VTI1A: variants seen among roughly 807,000 people sequenced by gnomAD.
VTI1A encodes the protein vesicle transport through interaction with t-SNAREs homolog 1A.
In VTI1A, 22 loss-of-function variants were observed where a neutral mutation model predicts 34.9. The observed-to-expected ratio is 0.63, with a 90% CI of 0.45 to 0.90. The LOEUF is 0.90. VTI1A is among the 40% of genes least tolerant of loss of function. The probability of loss-of-function intolerance (pLI) is 0.00; values close to 1 mark genes in which losing one functional copy is unlikely to be tolerated. For synonymous variants in VTI1A, 87 were observed against 97.3 expected (o/e 0.89, Z 0.62); for missense variants, 268 against 275.6 (o/e 0.97, Z 0.20).
At chr10:112,635,072 C>T (rs1328078570) in intron 5 of VTI1A, among the ~76,000 whole-genome samples, 2 of 152,176 alleles carry the variant, frequency 1.3e-5, no homozygotes, top group Non-Finnish European at 1.5e-5. Context: ...TTGTTGTTGC[C>T]TGTAACTGCA....
intron 5 of VTI1A, among the ~76,000 whole-genome samples, chr10:112,592,957 G>T (rs1844450863): frequency 6.6e-6 from 1 of 152,190 alleles, no homozygotes; most frequent in Non-Finnish European, 1.5e-5. Context: ...GCAGGACTGT[G>T]TGGTGTCTGA....
intron 5 of VTI1A, among the ~76,000 whole-genome samples, chr10:112,652,042 A>G (rs1847044851): frequency 6.6e-6 from 1 of 152,170 alleles, no homozygotes; most frequent in Non-Finnish European, 1.5e-5. Flanking sequence ...TTGGAATTCT[A>G]TAGTGATGGA....
At chr10:112,589,537 AC>A (rs1434589393) in intron 5 of VTI1A, among the ~76,000 whole-genome samples, 1 of 152,194 alleles carries the variant, frequency 6.6e-6, no homozygotes, top group Non-Finnish European at 1.5e-5. Flanking sequence ...ACGAACTAAT[AC>A]AGGGGAAAAA....
chr10:112,716,891 G>A (rs1849629815), intron 7 of VTI1A, among the ~76,000 whole-genome samples: 1 of 152,206 alleles, frequency 6.6e-6, no homozygotes, highest in Non-Finnish European at 1.5e-5. Flanking sequence ...AAAAAGACAA[G>A]GCGGGAGCCA....
At chr10:112,472,197 C>A (rs564884606) in intron 3 of VTI1A, among the ~76,000 whole-genome samples, 1 of 152,154 alleles carries the variant, frequency 6.6e-6, no homozygotes, top group Non-Finnish European at 1.5e-5. Flanking sequence ...GCTTTCTAGC[C>A]CCAGTCTCAA....
intron 5 of VTI1A, among the ~76,000 whole-genome samples, chr10:112,611,980 G>A (rs899322374): frequency 1.4e-4 from 22 of 151,818 alleles, no homozygotes; most frequent in African/African-American, 4.6e-4. Context: ...TGACCTCGTG[G>A]TCCGCCCGCC....
Position 112,544,243 on chromosome 10 carries a change from G to T in VTI1A, c.427+5913G>T, listed in dbSNP as rs946477168. Among the ~76,000 whole-genome samples the T allele has an allele frequency of 3.9e-5, 6 of 152,098 alleles. No homozygotes were observed. In the East Asian group the frequency reaches 1.2e-3, roughly 29 times the overall value. On this transcript the variant is annotated intron_variant, in intron 5 of 7. Transcript: ENST00000393077. ...AGTCATTGGTAGCTTGATGGGGATG[G>T]CATTTGAGATGGAGTCTTGCTTTGT...
At chr10:112,752,063 G>T in intron 7 of VTI1A, among the ~76,000 whole-genome samples, 1 of 152,200 alleles carries the variant, frequency 6.6e-6, no homozygotes, top group East Asian at 1.9e-4. Context: ...AGAACTCAGG[G>T]AAGTCAGGTC....
chr10:112,481,099 A>G (rs186806794), intron 3 of VTI1A, among the ~76,000 whole-genome samples: 2 of 152,178 alleles, frequency 1.3e-5, no homozygotes, highest in Non-Finnish European at 2.9e-5. Context: ...ACCTGAAACA[A>G]TGAAGCTTTT....
chr10:112,688,450 G>T (rs554981677), intron 7 of VTI1A, among the ~76,000 whole-genome samples: 1 of 150,046 alleles, frequency 6.7e-6, no homozygotes, highest in Non-Finnish European at 1.5e-5. Context: ...TCTAATTGTA[G>T]TGTAGCCAGT....
intron 7 of VTI1A, among the ~76,000 whole-genome samples, chr10:112,813,478 G>A (rs192207667): frequency 6.6e-6 from 1 of 152,254 alleles, no homozygotes; most frequent in East Asian, 1.9e-4. Context: ...AGTCTGATGC[G>A]GGTGACTGTG....
intron 5 of VTI1A, among the ~76,000 whole-genome samples, chr10:112,560,185 C>T (rs1851675416): frequency 6.6e-6 from 1 of 152,164 alleles, no homozygotes; most frequent in Non-Finnish European, 1.5e-5. Context: ...ATTCAGGATT[C>T]TCTGCTTTGA....
Position 112,626,440 on chromosome 10 carries a change from ATATT to A in VTI1A, c.428-41774_428-41771del, listed in dbSNP as rs1420720732. On this transcript the variant is annotated intron_variant, in intron 5 of 7. Coordinates refer to ENST00000393077, the MANE Select transcript of VTI1A (RefSeq NM_145206.4). The stretch of plus-strand genomic sequence containing the variant: ...TAATCAACATTCATAAAGTTACAGT[ATATT>A]TATCCATTGATTTATAGAATTAATC... 3.9e-5 allele frequency among the ~76,000 whole-genome samples: 6 copies of A among 152,238 alleles called. No individual in the cohort carries two copies. In the South Asian group the frequency reaches 8.3e-4, roughly 21 times the overall value.
At chr10:112,834,821 A>T in the VTI1A span, among the ~76,000 whole-genome samples, 1 of 152,176 alleles carries the variant, frequency 6.6e-6, no homozygotes, top group East Asian at 1.9e-4. Flanking sequence ...GCATTGTTGG[A>T]CTAAAATAGC....
At chr10:112,515,541 A>G (rs1024136965) in intron 3 of VTI1A, among the ~76,000 whole-genome samples, 1 of 152,074 alleles carries the variant, frequency 6.6e-6, no homozygotes, top group Non-Finnish European at 1.5e-5. Context: ...TTGAAGACAT[A>G]GAGCCAGAAT....
chr10:112,630,471 T>A (rs906517378), intron 5 of VTI1A, among the ~76,000 whole-genome samples: 2 of 152,228 alleles, frequency 1.3e-5, no homozygotes, highest in African/African-American at 4.8e-5. Context: ...TATTTACCTA[T>A]ATCATTGCAA....
intron 7 of VTI1A, among the ~76,000 whole-genome samples, chr10:112,746,377 G>A (rs1282823452): frequency 2.0e-5 from 3 of 152,184 alleles, no homozygotes; most frequent in Non-Finnish European, 4.4e-5. Context: ...TTAGAAGGGG[G>A]ACAGCCAGCA....
intron 4 of VTI1A, 89 bp from the exon 5 acceptor site, chr10:112,538,157 G>A: frequency 8.8e-7 from 1 of 1,135,356 alleles, no homozygotes; most frequent in Non-Finnish European, 1.3e-6. Flanking sequence ...CCCCATGTTA[G>A]GGCATACGAA....
At chr10:112,771,862 T>G (rs796255316) in intron 7 of VTI1A, among the ~76,000 whole-genome samples, 19 of 152,356 alleles carry the variant, frequency 1.2e-4, no homozygotes, top group African/African-American at 4.6e-4. Context: ...TTTATCCTGG[T>G]TATAACATGT....
Sources: gnomAD v4.1 joint callset for allele counts (sites outside exome capture counted in the v4.1 genomes callset) on GRCh38, gnomAD v4.1.1 for gene constraint, MANE v1.5 for transcripts, NCBI Gene and HGNC (gene_info 2026-07-23, HGNC 2026-07-21) for gene names.